SCN3A: variants seen among roughly 807,000 people sequenced by gnomAD.
SCN3A encodes sodium channel protein type 3 subunit alpha.
Under a neutral mutation model 187.6 loss-of-function variants are expected in SCN3A, and 60 were observed. The ratio of observed to expected loss-of-function variants is 0.32; its 90% confidence interval spans 0.26 to 0.40. The LOEUF (loss-of-function observed/expected upper bound fraction) is 0.40. Ranked by LOEUF, SCN3A falls within the 10% of genes least tolerant of loss-of-function variation. The pLI, the probability that SCN3A is intolerant of heterozygous loss-of-function variation, is 1.00. For missense variants in SCN3A, 1,601 were observed against 2,428.2 expected (o/e 0.66, Z 7.16); for synonymous variants, 788 against 829.2 (o/e 0.95, Z 0.85).
intron 1 of SCN3A, chr2:165,194,873 G>A (rs1339016716): frequency 6.6e-6 from 1 of 151,970 alleles, no homozygotes; most frequent in African/African-American, 2.4e-5. Flanking sequence ...TCAGGACCCA[G>A]AGAATCTGTG....
Position 165,186,186 on chromosome 2 carries a change from C to T in SCN3A, c.-51+365G>A, listed in dbSNP as rs185793918. On this transcript the variant is annotated intron_variant, in intron 2 of 27. Coordinates refer to ENST00000283254, the MANE Select transcript of SCN3A (RefSeq NM_006922.4). ...TCAGGAGGCTGAGGCAGGAGAATGG[C>T]GTGAACCCGGGAGGCAGAGCTTGCG... is the stretch of plus-strand genomic sequence containing the variant. Among the ~76,000 whole-genome samples the T allele has an allele frequency of 3.0e-4, 46 of 152,066 alleles. No individual in the cohort carries two copies. In the East Asian group the frequency reaches 7.9e-3, roughly 26 times the overall value.
At chr2:165,124,404 T>G (rs905938909) in intron 18 of SCN3A, among the ~76,000 whole-genome samples, 19 of 152,150 alleles carry the variant, frequency 1.2e-4, no homozygotes, top group Admixed American at 1.0e-3. Flanking sequence ...AAAAATTCTA[T>G]CGTATTAATC....
intron 21 of SCN3A, among the ~76,000 whole-genome samples, chr2:165,102,475 A>G (rs1213880623): frequency 6.6e-6 from 1 of 152,066 alleles, no homozygotes. Context: ...TGATCACACC[A>G]TTGCACTCCA....
At position 165,092,690 on chromosome 2, in the gene SCN3A, G is replaced by A; in HGVS notation, c.4537-166C>T. The A allele has an allele frequency of 3.0e-6, 2 of 667,830 alleles. No homozygotes were observed. The highest frequency in any genetic ancestry group is 2.7e-5 in the East Asian group (1 of 36,626). The allele number at this position is 667,830 out of a possible 1,614,324, so 41.4% of individuals were successfully genotyped here. On this transcript the variant is annotated intron_variant, in intron 26 of 27. Coordinates refer to ENST00000283254, the MANE Select transcript of SCN3A (RefSeq NM_006922.4). This position sits in a 1 kb window ranked among gnomAD's most constrained non-coding sequence, Gnocchi z 4.2. ...TTTTCTCTTCATGTTAAAAAAAATGGAAAAAAAATTTATATAGCTAAACAA... is the reference window on the plus strand; with the variant it reads ...TTTTCTCTTCATGTTAAAAAAAATGAAAAAAAAATTTATATAGCTAAACAA...
At chr2:165,124,142 A>G (rs189140835) in intron 18 of SCN3A, among the ~76,000 whole-genome samples, 92 of 152,190 alleles carry the variant, frequency 6.0e-4, no homozygotes, top group African/African-American at 2.1e-3. Context: ...TTGAAAGAGG[A>G]GGATAAAGTA....
intron 15 of SCN3A, among the ~76,000 whole-genome samples, chr2:165,132,103 A>G (rs1687364978): frequency 6.6e-6 from 1 of 152,208 alleles, no homozygotes; most frequent in Non-Finnish European, 1.5e-5. Context: ...AAGGAGAACT[A>G]CAAACCACTG....
Position 165,137,906 on chromosome 2 carries a change from G to C in SCN3A, c.2364C>G (p.Phe788Leu), listed in dbSNP as rs748850448. 6.2e-7 allele frequency: 1 copy of C among 1,612,858 alleles called. No individual in the cohort carries two copies. Among genetic ancestry groups the C allele is most frequent in the South Asian group, 1.1e-5 (1 of 91,030 alleles). Residue 788 changes from phenylalanine (F) to leucine (L), a missense_variant, in exon 15 of 28, where the codon TTC becomes TTG. Phe to Leu is a conservative substitution (Grantham distance 22). This residue lies in a region of SCN3A where 376 missense variants were observed against 476.0 expected (regional missense o/e 0.79). Coordinates refer to ENST00000283254, the MANE Select transcript of SCN3A (RefSeq NM_006922.4). Reference protein sequence around the residue: ...AMEHYPMTEQFSSVLTVGNLV... With the variant: ...AMEHYPMTEQLSSVLTVGNLV... ...GGTTTCCTACAGTCAACACACTACT[G>C]AATTGCTCAGTCATGGGGTAGTGCT...
At chr2:165,149,004 C>T (rs181383622) in intron 11 of SCN3A, among the ~76,000 whole-genome samples, 28 of 152,044 alleles carry the variant, frequency 1.8e-4, no homozygotes, top group African/African-American at 6.3e-4. Flanking sequence ...TATATATATA[C>T]CCTTTCTTAT....
chr2:165,127,533 G>T, intron 18 of SCN3A, 98 bp downstream of exon 18: 3 of 910,296 alleles, frequency 3.3e-6, no homozygotes, highest in Non-Finnish European at 1.8e-6. Flanking sequence ...TTTCAATATT[G>T]CTTTTTGATA....
chr2:165,180,075 T>A (rs1690744573), intron 2 of SCN3A, among the ~76,000 whole-genome samples: 1 of 152,156 alleles, frequency 6.6e-6, no homozygotes, highest in African/African-American at 2.4e-5. Flanking sequence ...TAGGAGATGA[T>A]CTCTTTAACT....
At chr2:165,176,478 A>G in intron 2 of SCN3A, 34 bp from the exon 3 acceptor site, 1 of 1,551,162 alleles carries the variant, frequency 6.4e-7, no homozygotes, top group Non-Finnish European at 8.9e-7. Flanking sequence ...AAGAGTTAGG[A>G]AAGCAAGCGA....
rs1312429782 is a variant in SCN3A at position 165,091,229 on chromosome 2, G to A, written c.4924C>T (p.Arg1642Cys). The change falls in exon 28 of 28, where the codon CGC becomes TGC. Residue 1642 changes from arginine (R) to cysteine (C), a missense_variant. Coordinates refer to ENST00000283254, the MANE Select transcript of SCN3A (RefSeq NM_006922.4). ...LRLIKGAKGI[R>C]TLLFALMMSL... ...ATCATCAAAGCAAAGAGCAGCGTGC[G>A]GATCCCCTTTGCTCCTTTGATCAGA... 4 of 1,613,960 alleles carry A rather than the reference G, an allele frequency of 2.5e-6. No homozygotes were observed. The highest frequency in any genetic ancestry group is 3.4e-6 in the Non-Finnish European group (4 of 1,179,996).
intron 2 of SCN3A, chr2:165,179,646 C>T (rs932948083): frequency 1.3e-5 from 2 of 152,196 alleles, no homozygotes; most frequent in African/African-American, 4.8e-5. Flanking sequence ...ACTGTTGTCT[C>T]TAAGTCCTCG....
At chr2:165,198,753 T>C (rs989632159) in intron 1 of SCN3A, among the ~76,000 whole-genome samples, 1 of 152,038 alleles carries the variant, frequency 6.6e-6, no homozygotes, top group Non-Finnish European at 1.5e-5. Context: ...GAATTTATTA[T>C]TTAAGGTCAT....
intron 9 of SCN3A, among the ~76,000 whole-genome samples, chr2:165,161,727 G>A (rs1689410118): frequency 1.3e-5 from 2 of 152,114 alleles, no homozygotes; most frequent in African/African-American, 4.8e-5. Flanking sequence ...AAGATATTAT[G>A]GCATCTTTTG....
At chr2:165,164,011 C>CTCA in intron 6 of SCN3A, 1 of 913,872 alleles carries the variant, frequency 1.1e-6, no homozygotes, top group East Asian at 2.6e-5. Flanking sequence ...TGCTATAGAC[C>CTCA]TCAGGCTGCC....
At chr2:165,149,041 C>T (rs1688520179) in intron 11 of SCN3A, among the ~76,000 whole-genome samples, 1 of 152,066 alleles carries the variant, frequency 6.6e-6, no homozygotes, top group East Asian at 1.9e-4. Flanking sequence ...ATTCTCTTTT[C>T]TATTTTATAT....
chr2:165,164,968 T>C (rs988531338), intron 5 of SCN3A, among the ~76,000 whole-genome samples: 1 of 152,134 alleles, frequency 6.6e-6, no homozygotes, highest in Non-Finnish European at 1.5e-5. Flanking sequence ...ACAATTAATA[T>C]TAGCCAAATT....
chr2:165,163,540 G>A, intron 7 of SCN3A, 78 bp downstream of exon 7: 1 of 1,479,132 alleles, frequency 6.8e-7, no homozygotes, highest in Non-Finnish European at 9.3e-7. Context: ...TAAGCAACAA[G>A]GCTAATGCTG....
Sources: gnomAD v4.1 joint callset for allele counts (sites outside exome capture counted in the v4.1 genomes callset) on GRCh38, gnomAD v4.1.1 for gene constraint, gnomAD v4.1.1 regional missense constraint, Gnocchi (gnomAD v3.1) non-coding constraint, MANE v1.5 for transcripts, NCBI Gene and HGNC (gene_info 2026-07-23, HGNC 2026-07-21) for gene names.